The following CAMKMT variants were observed in gnomAD, a reference collection of about 807,000 sequenced individuals.
CAMKMT encodes CaM KMT.
In CAMKMT, 53 loss-of-function variants were observed where a neutral mutation model predicts 48.0. The ratio of observed to expected loss-of-function variants is 1.10; its 90% confidence interval spans 0.89 to 1.39. CAMKMT has a LOEUF of 1.39. Ranked by LOEUF, CAMKMT falls within the 40% of genes most tolerant of loss-of-function variation. The pLI is 0.00. For synonymous variants in CAMKMT, 165 were observed against 152.3 expected, an observed-to-expected ratio of 1.08 and a Z score of -0.61; for missense variants, 428 against 402.7, an observed-to-expected ratio of 1.06 and a Z score of -0.54.
intron 7 of CAMKMT, among the ~76,000 whole-genome samples, chr2:44,717,233 G>C (rs182068599): frequency 3.9e-5 from 6 of 152,084 alleles, no homozygotes; most frequent in Non-Finnish European, 8.8e-5. Flanking sequence ...CCTCCAAGAT[G>C]AGGATGGGCT....
chr2:44,469,503 T>TGG (rs1399396821), intron 3 of CAMKMT, among the ~76,000 whole-genome samples: 1 of 151,246 alleles, frequency 6.6e-6, no homozygotes, highest in Non-Finnish European at 1.5e-5. Context: ...ACATTTGTTG[T>TGG]AATCCATTAC....
At chr2:44,545,400 G>A (rs952654675) in intron 3 of CAMKMT, among the ~76,000 whole-genome samples, 1 of 152,142 alleles carries the variant, frequency 6.6e-6, no homozygotes, top group Non-Finnish European at 1.5e-5. Flanking sequence ...ACTACTCTGA[G>A]CCTGTCTCTT....
intron 3 of CAMKMT, among the ~76,000 whole-genome samples, chr2:44,450,333 T>G (rs899707740): frequency 3.9e-5 from 6 of 152,102 alleles, no homozygotes; most frequent in East Asian, 3.8e-4. Context: ...TTGACATCCT[T>G]TATATTTGTC....
intron 8 of CAMKMT, among the ~76,000 whole-genome samples, chr2:44,753,261 A>G (rs1680224392): frequency 1.3e-5 from 2 of 149,750 alleles, no homozygotes; most frequent in Non-Finnish European, 3.0e-5. Context: ...AAAAAAAAAA[A>G]AAAAAAAAAA....
Position 44,580,383 on chromosome 2 carries a change from A to G in CAMKMT, c.377-123900A>G, listed in dbSNP as rs1349577066. Reference sequence around the variant, plus strand: ...AATTATGAGTACAGAGAAAATTTACATAAATCCTCTTTAAATGATGTATGT... The same window carrying G: ...AATTATGAGTACAGAGAAAATTTACGTAAATCCTCTTTAAATGATGTATGT... On this transcript the variant is annotated intron_variant, in intron 3 of 10. Transcript: ENST00000378494. 3.3e-5 allele frequency among the ~76,000 whole-genome samples: 5 copies of G among 152,220 alleles called. No individual in the cohort carries two copies. In the South Asian group the frequency reaches 8.3e-4, roughly 25 times the overall value.
chr2:44,417,533 G>A (rs937088051), intron 3 of CAMKMT, among the ~76,000 whole-genome samples: 1 of 152,192 alleles, frequency 6.6e-6, no homozygotes, highest in Non-Finnish European at 1.5e-5. Context: ...ACAAGTTTTT[G>A]TGTGTGTGGA....
chr2:44,624,316 C>G lies in CAMKMT; in HGVS notation c.377-79967C>G, dbSNP rs1672356656. 2.6e-5 allele frequency among the ~76,000 whole-genome samples: 4 copies of G among 151,350 alleles called. No individual in the cohort carries two copies. In the South Asian group the frequency reaches 8.4e-4, roughly 32 times the overall value. ...TGGGTTTTTTTTCTTTTTTCTATTT[C>G]AAATTTTATTTGTCTTTTTTATTAT... On this transcript the variant is annotated intron_variant, in intron 3 of 10. Coordinates refer to ENST00000378494, the MANE Select transcript of CAMKMT (RefSeq NM_024766.5).
At chr2:44,375,740 A>C (rs1679622471) in intron 2 of CAMKMT, among the ~76,000 whole-genome samples, 1 of 152,028 alleles carries the variant, frequency 6.6e-6, no homozygotes, top group Non-Finnish European at 1.5e-5. Flanking sequence ...AGCTGGAGGA[A>C]TGATTATCAA....
chr2:44,739,833 A>C (rs749937309), intron 7 of CAMKMT, among the ~76,000 whole-genome samples: 8 of 152,200 alleles, frequency 5.3e-5, no homozygotes, highest in Non-Finnish European at 8.8e-5. Flanking sequence ...AACTGTCAGG[A>C]GAGGATATTT....
At chr2:44,517,321 G>A (rs1670882591) in intron 3 of CAMKMT, among the ~76,000 whole-genome samples, 2 of 152,142 alleles carry the variant, frequency 1.3e-5, no homozygotes, top group African/African-American at 2.4e-5. Flanking sequence ...CTTCAATTTT[G>A]ATTAATATGT....
At chr2:44,412,349 T>C (rs1683265462) in intron 3 of CAMKMT, among the ~76,000 whole-genome samples, 1 of 152,172 alleles carries the variant, frequency 6.6e-6, no homozygotes, top group Non-Finnish European at 1.5e-5. Flanking sequence ...TTTGTTTTTG[T>C]TTTTGAGACA....
chr2:44,399,490 A>G (rs1682159334), intron 3 of CAMKMT, among the ~76,000 whole-genome samples: 1 of 151,998 alleles, frequency 6.6e-6, no homozygotes. Context: ...GGGAGGGGGC[A>G]TTGATTCTTA....
chr2:44,571,689 A>G (rs1349994058), intron 3 of CAMKMT, among the ~76,000 whole-genome samples: 2 of 152,152 alleles, frequency 1.3e-5, no homozygotes, highest in Non-Finnish European at 2.9e-5. Flanking sequence ...AGAAACAAAA[A>G]CAAGCCGGGT....
chr2:44,409,388 CAT>C (rs1683037052), intron 3 of CAMKMT, among the ~76,000 whole-genome samples: 2 of 151,974 alleles, frequency 1.3e-5, no homozygotes, highest in African/African-American at 2.4e-5. Context: ...ACTTTCATAT[CAT>C]GTGGGGTTGT....
intron 3 of CAMKMT, among the ~76,000 whole-genome samples, chr2:44,497,231 T>C (rs17615049): frequency 0.049 from 7,531 of 152,286 alleles, 504 homozygotes; most frequent in East Asian, 0.34. Flanking sequence ...TACACATCGC[T>C]GTTTCACAAG....
chr2:44,743,944 C>G (rs1351932081), intron 8 of CAMKMT, among the ~76,000 whole-genome samples: 1 of 152,194 alleles, frequency 6.6e-6, no homozygotes, highest in Non-Finnish European at 1.5e-5. Context: ...GGAATTGCCT[C>G]TGTTTCATGC....
chr2:44,438,536 G>T (rs1180560369), intron 3 of CAMKMT, among the ~76,000 whole-genome samples: 1 of 152,088 alleles, frequency 6.6e-6, no homozygotes, highest in Non-Finnish European at 1.5e-5. Context: ...ACATAACATT[G>T]CTTAAGTTTA....
intron 3 of CAMKMT, among the ~76,000 whole-genome samples, chr2:44,404,936 G>A (rs1237893946): frequency 6.6e-6 from 1 of 152,064 alleles, no homozygotes; most frequent in African/African-American, 2.4e-5. Flanking sequence ...TATATAACTA[G>A]TGCTCCAAAA....
intron 3 of CAMKMT, among the ~76,000 whole-genome samples, chr2:44,519,307 C>A (rs926887522): frequency 4.6e-5 from 7 of 152,092 alleles, no homozygotes; most frequent in African/African-American, 1.7e-4. Flanking sequence ...ATAAACTTTT[C>A]CATTGGAACA....
Sources: allele counts gnomAD v4.1 joint callset (sites outside exome capture counted in the v4.1 genomes callset), GRCh38; gene constraint gnomAD v4.1.1; transcripts MANE v1.5; gene names NCBI Gene and HGNC (gene_info 2026-07-23, HGNC 2026-07-21).